The following ATP10B variants were observed in gnomAD, a reference collection of about 807,000 sequenced individuals.
ATP10B encodes the protein phospholipid-transporting ATPase VB.
A neutral mutation model predicts 141.2 loss-of-function variants in ATP10B; 122 were observed. The ratio of observed to expected loss-of-function variants is 0.86; its 90% CI spans 0.75 to 1.00. The LOEUF is 1.00. Among genes scored for constraint, ATP10B ranks in the 50% least tolerant of loss-of-function variants. The pLI, the probability that ATP10B is intolerant of heterozygous loss-of-function variation, is 0.00. For synonymous variants in ATP10B, 685 were observed against 692.0 expected, an observed-to-expected ratio of 0.99 and a Z score of 0.16; for missense variants, 1,876 against 1,825.3, an observed-to-expected ratio of 1.03 and a Z score of -0.51.
chr5:160,783,420 ATATCCAT>A lies in ATP10B; in HGVS notation c.-331+2132_-331+2138del, dbSNP rs1205299361. The stretch of plus-strand genomic sequence containing the variant: ...GTGATGGATATATCTATCCATGGAT[ATATCCAT>A]GGATAGATATATCCATCACATATAT... On this transcript the variant is annotated intron_variant, in intron 2 of 25. Transcript: ENST00000327245. 5.0e-5 allele frequency among the ~76,000 whole-genome samples: 6 copies of A among 119,300 alleles called. No homozygotes were observed. In the East Asian group the frequency reaches 1.3e-3, roughly 26 times the overall value. 78.3% of individuals were successfully genotyped at this position (119,300 alleles called of 152,430 possible). A position where few individuals can be genotyped will look rare whatever the true frequency, so the allele number is the denominator to read the frequency against.
At chr5:160,693,800 A>C (rs1581369717) in intron 3 of ATP10B, among the ~76,000 whole-genome samples, 1 of 152,222 alleles carries the variant, frequency 6.6e-6, no homozygotes, top group South Asian at 2.1e-4. Flanking sequence ...ATAGCATTGC[A>C]TTCCTATGAG....
At chr5:160,734,402 G>T (rs1385365580) in intron 2 of ATP10B, among the ~76,000 whole-genome samples, 1 of 151,968 alleles carries the variant, frequency 6.6e-6, no homozygotes, top group Non-Finnish European at 1.5e-5. Context: ...CCTTCTGGGG[G>T]TTTTTATGTA....
At chr5:160,885,640 G>A in the ATP10B span, among the ~76,000 whole-genome samples, 1 of 152,170 alleles carries the variant, frequency 6.6e-6, no homozygotes, top group Non-Finnish European at 1.5e-5. Context: ...GGCATAGAAT[G>A]AGTCTGTCTT....
At chr5:160,821,642 A>G (rs972348856) in intron 1 of ATP10B, among the ~76,000 whole-genome samples, 3 of 152,166 alleles carry the variant, frequency 2.0e-5, no homozygotes, top group Non-Finnish European at 2.9e-5. Flanking sequence ...ACAGCATGGT[A>G]CCGGCATAAA....
At chr5:160,833,068 C>A (rs773467191) in intron 1 of ATP10B, among the ~76,000 whole-genome samples, 3 of 152,086 alleles carry the variant, frequency 2.0e-5, no homozygotes, top group Non-Finnish European at 4.4e-5. Flanking sequence ...GGGAACTTTA[C>A]TAAATATAAA....
At chr5:160,868,785 G>A in the ATP10B span, among the ~76,000 whole-genome samples, 3 of 152,006 alleles carry the variant, frequency 2.0e-5, no homozygotes, top group Non-Finnish European at 2.9e-5. Context: ...TGATAGGAGG[G>A]TCCTGGAATT....
chr5:160,778,492 C>CT (rs765819056), intron 2 of ATP10B, among the ~76,000 whole-genome samples: 2 of 152,124 alleles, frequency 1.3e-5, no homozygotes, highest in African/African-American at 4.8e-5. Context: ...TTTTCCCCCT[C>CT]TTTTTTAAGT....
At chr5:160,575,498 T>G (rs1755136761) in intron 24 of ATP10B, among the ~76,000 whole-genome samples, 1 of 152,180 alleles carries the variant, frequency 6.6e-6, no homozygotes, top group Admixed American at 6.5e-5. Context: ...ATATTCAGAT[T>G]ATACATTCTC....
intron 10 of ATP10B, among the ~76,000 whole-genome samples, chr5:160,636,652 C>T (rs931754182): frequency 6.6e-6 from 1 of 152,134 alleles, no homozygotes; most frequent in Non-Finnish European, 1.5e-5. Context: ...GTGGTGCACA[C>T]TTTTGTGCAT....
intron 2 of ATP10B, among the ~76,000 whole-genome samples, chr5:160,763,935 G>A (rs962726172): frequency 6.6e-6 from 1 of 152,086 alleles, no homozygotes; most frequent in Non-Finnish European, 1.5e-5. Flanking sequence ...ACACCTTTTT[G>A]TGCCTAAACT....
chr5:160,819,443 C>G (rs1773936910), intron 1 of ATP10B, among the ~76,000 whole-genome samples: 1 of 152,146 alleles, frequency 6.6e-6, no homozygotes, highest in Non-Finnish European at 1.5e-5. Flanking sequence ...CTACTCCCAT[C>G]TGAAGAAAAT....
chr5:160,722,724 G>A (rs982426357), intron 2 of ATP10B, among the ~76,000 whole-genome samples: 2 of 152,120 alleles, frequency 1.3e-5, no homozygotes, highest in African/African-American at 4.8e-5. Context: ...CCTGACAAGG[G>A]GCCTCCAAAG....
intron 2 of ATP10B, among the ~76,000 whole-genome samples, chr5:160,729,184 T>C (rs1766569751): frequency 6.7e-6 from 1 of 150,164 alleles, no homozygotes; most frequent in South Asian, 2.1e-4. Flanking sequence ...CATGGAATGA[T>C]TAAAAACTCT....
chr5:160,839,910 A>C (rs1388653125), intron 1 of ATP10B, among the ~76,000 whole-genome samples: 2 of 152,106 alleles, frequency 1.3e-5, no homozygotes, highest in Non-Finnish European at 2.9e-5. Context: ...TAAAAACCAC[A>C]TTATAGAATG....
intron 13 of ATP10B, among the ~76,000 whole-genome samples, chr5:160,626,618 A>G (rs1758626527): frequency 6.6e-6 from 1 of 152,206 alleles, no homozygotes; most frequent in African/African-American, 2.4e-5. Context: ...TTTAACATGT[A>G]CACATGTCAA....
chr5:160,638,901 A>T (rs992175161), intron 10 of ATP10B, among the ~76,000 whole-genome samples: 1 of 151,918 alleles, frequency 6.6e-6, no homozygotes, highest in Admixed American at 6.6e-5. Flanking sequence ...GCCCCTCTTT[A>T]TCTACACTCT....
At chr5:160,831,210 G>T (rs1775058959) in intron 1 of ATP10B, among the ~76,000 whole-genome samples, 1 of 151,824 alleles carries the variant, frequency 6.6e-6, no homozygotes, top group Admixed American at 6.6e-5. Flanking sequence ...CCTAGTAAAT[G>T]TGGTGACTCA....
chr5:160,652,954 T>A (rs1271276400), intron 7 of ATP10B, among the ~76,000 whole-genome samples: 3 of 83,010 alleles, frequency 3.6e-5, no homozygotes, highest in Non-Finnish European at 5.9e-5. Flanking sequence ...TATAATATAT[T>A]ATATATACAT....
At chr5:160,638,436 C>G (rs540378364) in intron 10 of ATP10B, among the ~76,000 whole-genome samples, 12 of 152,290 alleles carry the variant, frequency 7.9e-5, no homozygotes, top group African/African-American at 2.9e-4. Context: ...ACAGTTCCTG[C>G]AGCATCTTGG....
Sources: allele counts gnomAD v4.1 joint callset (sites outside exome capture counted in the v4.1 genomes callset), GRCh38; gene constraint gnomAD v4.1.1; transcripts MANE v1.5; gene names NCBI Gene and HGNC (gene_info 2026-07-23, HGNC 2026-07-21).